The following SMIM35 variants were observed in gnomAD, a reference collection of about 807,000 sequenced individuals.
SMIM35 encodes small integral membrane protein 35, also known as TMPRSS4 antisense RNA 1 (non-protein coding).
intron 1 of SMIM35, among the ~76,000 whole-genome samples, chr11:118,069,421 A>G (rs1026881437): frequency 3.9e-5 from 6 of 152,160 alleles, no homozygotes; most frequent in Non-Finnish European, 7.3e-5. Context: ...CACTACTGCC[A>G]GAATTATCTT....
intron 1 of SMIM35, among the ~76,000 whole-genome samples, chr11:118,051,966 A>G (rs1327043509): frequency 6.6e-6 from 1 of 152,206 alleles, no homozygotes; most frequent in African/African-American, 2.4e-5. Flanking sequence ...TGTCTGAATC[A>G]TGAACCTTCT....
chr11:118,031,781 G>A (rs1319055382), intron 1 of SMIM35: 1 of 152,036 alleles, frequency 6.6e-6, no homozygotes, highest in Non-Finnish European at 1.5e-5. Context: ...AGTGACCAGA[G>A]TGAGCTTCAT....
At chr11:118,017,847 A>T (rs941805503) in intron 1 of SMIM35, among the ~76,000 whole-genome samples, 1 of 152,178 alleles carries the variant, frequency 6.6e-6, no homozygotes. Flanking sequence ...GCCAAGCAAA[A>T]GCGGGGAAAG....
At chr11:118,013,621 A>T in intron 4 of SMIM35, 127 bp downstream of exon 4, 1 of 390,622 alleles carries the variant, frequency 2.6e-6, no homozygotes, top group Non-Finnish European at 4.5e-6. Context: ...ACCAGAAGAC[A>T]GGGGATGAAC....
intron 1 of SMIM35, among the ~76,000 whole-genome samples, chr11:118,036,603 G>A (rs369619906): frequency 6.6e-5 from 10 of 152,322 alleles, no homozygotes; most frequent in South Asian, 2.1e-4. Flanking sequence ...GGAGAAGGGC[G>A]CTCCTTGGAG....
chr11:118,013,691 C>T (rs1436958046), intron 4 of SMIM35, 57 bp downstream of exon 4: 2 of 397,546 alleles, frequency 5.0e-6, no homozygotes, highest in Non-Finnish European at 8.9e-6. Flanking sequence ...ACTGGACCCT[C>T]TTAGGACCTT....
At chr11:118,006,935 A>G (rs1326766726) in intron 4 of SMIM35, among the ~76,000 whole-genome samples, 6 of 152,180 alleles carry the variant, frequency 3.9e-5, no homozygotes, top group Non-Finnish European at 7.3e-5. Flanking sequence ...TTCAACATGC[A>G]TTCACTCTTT....
chr11:118,047,048 A>C (rs1484932877), intron 1 of SMIM35, among the ~76,000 whole-genome samples: 1 of 150,840 alleles, frequency 6.6e-6, no homozygotes, highest in African/African-American at 2.5e-5. Context: ...AAGCAAGATA[A>C]AGTCAAGGAA....
At position 118,078,879 on chromosome 11, in the gene SMIM35, G is replaced by A. The variant is rs116279762; in HGVS notation, c.7+7872C>T. Among the ~76,000 whole-genome samples the A allele has an allele frequency of 1.2e-3, 185 of 152,294 alleles. 1 individual carries two copies. Among genetic ancestry groups the A allele is most frequent in the African/African-American group, 4.0e-3 (165 of 41,562 alleles). On this transcript the variant is annotated intron_variant, in intron 1 of 4. Coordinates refer to ENST00000689828, the MANE Select transcript of SMIM35 (RefSeq NM_001394165.1). ...CACAACAGCCCCACGCACATGCACC[G>A]GGTTCGCAGAGATTACACAGCTAAT...
intron 1 of SMIM35, among the ~76,000 whole-genome samples, chr11:118,017,478 G>A (rs2058192279): frequency 6.6e-6 from 1 of 152,184 alleles, no homozygotes; most frequent in Non-Finnish European, 1.5e-5. Context: ...CTCCAGTGAA[G>A]GGAGACAGGC....
chr11:118,060,863 G>A (rs887400851), intron 1 of SMIM35, among the ~76,000 whole-genome samples: 1 of 151,888 alleles, frequency 6.6e-6, no homozygotes, highest in African/African-American at 2.4e-5. Flanking sequence ...TGGATCCCCA[G>A]GCAGACACCC....
chr11:118,032,673 G>A (rs2058328862), intron 1 of SMIM35, among the ~76,000 whole-genome samples: 1 of 152,104 alleles, frequency 6.6e-6, no homozygotes, highest in Admixed American at 6.5e-5. Context: ...TTGAGAGGCC[G>A]AGATGTGGGG....
chr11:118,014,437 GATGGATGGA>G (rs1424685978), intron 3 of SMIM35, among the ~76,000 whole-genome samples: 1 of 151,982 alleles, frequency 6.6e-6, no homozygotes, highest in African/African-American at 2.4e-5. Context: ...TGGATGAATG[GATGGATGGA>G]TGGGTGGATG....
intron 1 of SMIM35, among the ~76,000 whole-genome samples, chr11:118,078,048 AGAAGG>A (rs1944821671): frequency 3.1e-5 from 2 of 63,608 alleles, no homozygotes; most frequent in East Asian, 3.8e-4. Context: ...AAAAAAAGAA[AGAAGG>A]AAAAGAAAAC....
intron 1 of SMIM35, chr11:118,031,686 C>G (rs1029197744): frequency 6.6e-6 from 1 of 151,988 alleles, no homozygotes; most frequent in Non-Finnish European, 1.5e-5. Context: ...GTTTCAAATT[C>G]CTCTCCACAA....
At chr11:118,056,218 G>A (rs796531406) in intron 1 of SMIM35, among the ~76,000 whole-genome samples, 17 of 152,280 alleles carry the variant, frequency 1.1e-4, no homozygotes, top group East Asian at 3.9e-4. Context: ...CATGCTGGGA[G>A]TAGCGAGCCC....
chr11:118,021,047 G>GTTTTTTTTTTTTTTTTTTTTTTTTT (rs367714265), intron 1 of SMIM35, among the ~76,000 whole-genome samples: 5 of 140,840 alleles, frequency 3.6e-5, no homozygotes, highest in African/African-American at 1.3e-4. Flanking sequence ...ACAGGGTAAG[G>GTTTTTTTTTTTTTTTTTTTTTTTTT]TTTTTTTTTT....
At chr11:118,019,231 A>G (rs2058206985) in intron 1 of SMIM35, among the ~76,000 whole-genome samples, 1 of 152,214 alleles carries the variant, frequency 6.6e-6, no homozygotes, top group African/African-American at 2.4e-5. Context: ...GACCAGGTTT[A>G]CTTTCCTACT....
chr11:118,068,174 G>T (rs1310870250), intron 1 of SMIM35, among the ~76,000 whole-genome samples: 2 of 151,988 alleles, frequency 1.3e-5, no homozygotes, highest in African/African-American at 4.8e-5. Flanking sequence ...GCCACAGAAA[G>T]GATGCTCAGT....
Sources: allele counts gnomAD v4.1 joint callset (sites outside exome capture counted in the v4.1 genomes callset), GRCh38; gene constraint gnomAD v4.1.1; transcripts MANE v1.5; gene names NCBI Gene and HGNC (gene_info 2026-07-23, HGNC 2026-07-21).